SLC9D1: variants seen among roughly 807,000 people sequenced by gnomAD.
The protein encoded by SLC9D1 is putative LAG1-interacting protein.
chr13:113,539,525 C>T, the SLC9D1 span: 7 of 1,609,220 alleles, frequency 4.3e-6, no homozygotes, highest in Non-Finnish European at 5.9e-6. This position sits in a 1 kb window ranked among gnomAD's most constrained non-coding sequence, Gnocchi z 4.8. Flanking sequence ...TCCTTCTTTA[C>T]ATTATGATTG....
the SLC9D1 span, chr13:113,547,479 G>C: frequency 1.1e-6 from 1 of 942,798 alleles, no homozygotes; most frequent in Non-Finnish European, 1.7e-6. Context: ...GGCCTGCAGA[G>C]CCGGCCCTGC....
chr13:113,498,424 G>A, the SLC9D1 span: 1 of 1,584,558 alleles, frequency 6.3e-7, no homozygotes, highest in Non-Finnish European at 8.5e-7. Flanking sequence ...CAAAACCAAA[G>A]TTTATCCATG....
the SLC9D1 span, among the ~76,000 whole-genome samples, chr13:113,497,398 C>A: frequency 2.0e-5 from 3 of 147,212 alleles, no homozygotes; most frequent in East Asian, 4.0e-4. Context: ...GTGAGACCTG[C>A]AGCTGTGTGA....
At chr13:113,501,310 A>G in the SLC9D1 span, among the ~76,000 whole-genome samples, 2 of 152,250 alleles carry the variant, frequency 1.3e-5, no homozygotes, top group African/African-American at 4.8e-5. Context: ...GAATAACAAT[A>G]CAATAAAAAT....
At chr13:113,544,208 C>G in the SLC9D1 span, among the ~76,000 whole-genome samples, 2 of 152,248 alleles carry the variant, frequency 1.3e-5, no homozygotes, top group African/African-American at 4.8e-5. Context: ...AGGCGTCGCT[C>G]TCAGGTTCCC....
At chr13:113,496,042 GA>G in the SLC9D1 span, 286 of 1,122,456 alleles carry the variant, frequency 2.5e-4, no homozygotes, top group Middle Eastern at 7.9e-4. Flanking sequence ...CCTAGAGAGG[GA>G]GAGAGAGAGA....
At chr13:113,530,432 G>C in the SLC9D1 span, 2 of 152,136 alleles carry the variant, frequency 1.3e-5, no homozygotes, top group South Asian at 4.1e-4. Flanking sequence ...AACATGAATA[G>C]AGACTAGAAA....
the SLC9D1 span, among the ~76,000 whole-genome samples, chr13:113,518,515 T>A: frequency 6.6e-6 from 1 of 152,144 alleles, no homozygotes; most frequent in South Asian, 2.1e-4. Context: ...AAAAGTGAGA[T>A]GTAGTGAGAG....
the SLC9D1 span, chr13:113,495,921 G>A: frequency 1.2e-6 from 2 of 1,614,090 alleles, no homozygotes; most frequent in Non-Finnish European, 1.7e-6. Context: ...TTTCCAAGCT[G>A]TCTACGGACT....
At chr13:113,534,336 G>A in the SLC9D1 span, 2 of 1,030,496 alleles carry the variant, frequency 1.9e-6, no homozygotes, top group South Asian at 1.5e-5. Context: ...TTTTAATAAT[G>A]GTTAAAATAT....
At chr13:113,495,211 T>TAG in the SLC9D1 span, among the ~76,000 whole-genome samples, 3 of 152,180 alleles carry the variant, frequency 2.0e-5, no homozygotes, top group Non-Finnish European at 4.4e-5. Flanking sequence ...GTGGAGTTGG[T>TAG]AGAGATACGA....
the SLC9D1 span, among the ~76,000 whole-genome samples, chr13:113,507,017 G>T: frequency 6.6e-6 from 1 of 152,044 alleles, no homozygotes; most frequent in Non-Finnish European, 1.5e-5. Flanking sequence ...AGTCAGATGC[G>T]TGGAAGGACA....
At chr13:113,520,232 T>C in the SLC9D1 span, among the ~76,000 whole-genome samples, 65 of 152,268 alleles carry the variant, frequency 4.3e-4, no homozygotes, top group African/African-American at 1.6e-3. Flanking sequence ...ATGCCTGTAA[T>C]CCCAGCACTT....
At chr13:113,548,254 T>C in the SLC9D1 span, 1 of 1,603,396 alleles carries the variant, frequency 6.2e-7, no homozygotes, top group Non-Finnish European at 8.5e-7. Flanking sequence ...TGTGTTTAAC[T>C]CTGTGTGGGT....
At chr13:113,501,750 A>G in the SLC9D1 span, 1 of 1,606,874 alleles carries the variant, frequency 6.2e-7, no homozygotes, top group African/African-American at 1.3e-5. Flanking sequence ...TTTATTCTTC[A>G]GGACATTGTT....
the SLC9D1 span, among the ~76,000 whole-genome samples, chr13:113,538,647 G>A: frequency 6.6e-6 from 1 of 152,266 alleles, no homozygotes; most frequent in Admixed American, 6.5e-5. Context: ...TCCTCAGGAT[G>A]TGATGTTTTT....
chr13:113,533,028 C>T, the SLC9D1 span, among the ~76,000 whole-genome samples: 3 of 23,524 alleles, frequency 1.3e-4, no homozygotes, highest in African/African-American at 2.7e-4. Flanking sequence ...GGCCCTGCAG[C>T]GAGCTCTGAA....
the SLC9D1 span, among the ~76,000 whole-genome samples, chr13:113,535,631 G>A: frequency 2.0e-5 from 3 of 152,126 alleles, no homozygotes; most frequent in Middle Eastern, 3.2e-3. This position sits in a 1 kb window ranked among gnomAD's most constrained non-coding sequence, Gnocchi z 4.1. Context: ...TAAAACCACC[G>A]GCACACACCT....
At chr13:113,491,669 A>G in the SLC9D1 span, among the ~76,000 whole-genome samples, 1 of 152,100 alleles carries the variant, frequency 6.6e-6, no homozygotes, top group Non-Finnish European at 1.5e-5. Flanking sequence ...GCTGAGGCCC[A>G]CGTTCTAACC....
Sources: gnomAD v4.1 joint callset for allele counts (sites outside exome capture counted in the v4.1 genomes callset) on GRCh38, gnomAD v4.1.1 for gene constraint, Gnocchi (gnomAD v3.1) non-coding constraint, MANE v1.5 for transcripts, NCBI Gene and HGNC (gene_info 2026-07-23, HGNC 2026-07-21) for gene names.